MAP3K1: variants seen among roughly 807,000 people sequenced by gnomAD.
MAP3K1 encodes mitogen-activated protein kinase kinase kinase 1.
Under a neutral mutation model 144.2 loss-of-function variants are expected in MAP3K1, and 36 were observed. The observed-to-expected ratio is 0.25, with a 90% CI of 0.19 to 0.33. The LOEUF (loss-of-function observed/expected upper bound fraction) is 0.33. Ranked by LOEUF, MAP3K1 falls within the 10% of genes least tolerant of loss-of-function variation. MAP3K1 has a pLI of 1.00. For synonymous variants in MAP3K1, 718 were observed against 688.7 expected (o/e 1.04, Z -0.67); for missense variants, 1,650 against 1,881.9 (o/e 0.88, Z 2.28).
intron 10 of MAP3K1, 125 bp from the exon 11 acceptor site, chr5:56,878,850 CTTATT>C (rs1748116921): frequency 1.3e-6 from 1 of 773,658 alleles, no homozygotes; most frequent in Non-Finnish European, 2.2e-6. Flanking sequence ...GCATGGAATT[CTTATT>C]TTATTCTATG....
At chr5:56,881,481 A>G in intron 13 of MAP3K1, 89 bp from the exon 14 acceptor site, 1 of 1,117,018 alleles carries the variant, frequency 9.0e-7, no homozygotes, top group South Asian at 1.3e-5. Context: ...TTTGAAGTAT[A>G]CATGCTGTAA....
At chr5:56,822,760 CATGACTTCTGCGCAGTCA>C (rs571111837) in intron 1 of MAP3K1, among the ~76,000 whole-genome samples, 92 of 152,350 alleles carry the variant, frequency 6.0e-4, no homozygotes, top group Non-Finnish European at 8.8e-4. Flanking sequence ...CACCTGGCTA[CATGACTTCTGCGCAGTCA>C]GATGTCTAAA....
chr5:56,890,357 TAG>T, intron 19 of MAP3K1, among the ~76,000 whole-genome samples: 1 of 152,220 alleles, frequency 6.6e-6, no homozygotes. Context: ...CCTTCCTAGG[TAG>T]AGTTTAAAGA....
intron 12 of MAP3K1, 36 bp downstream of exon 12, chr5:56,880,838 T>G: frequency 2.0e-6 from 3 of 1,514,634 alleles, no homozygotes; most frequent in Non-Finnish European, 2.7e-6. Flanking sequence ...TATAGCATAT[T>G]TTATCATGTT....
intron 19 of MAP3K1, among the ~76,000 whole-genome samples, chr5:56,891,839 G>A (rs1314628537): frequency 2.0e-5 from 3 of 152,268 alleles, no homozygotes; most frequent in African/African-American, 7.2e-5. Context: ...AAGATCAGAT[G>A]GTTGTAGATG....
intron 1 of MAP3K1, among the ~76,000 whole-genome samples, chr5:56,837,884 G>T (rs1347591897): frequency 6.6e-6 from 1 of 152,170 alleles, no homozygotes; most frequent in African/African-American, 2.4e-5. Flanking sequence ...TTTAGGGGAC[G>T]TGGCCAGTGG....
chr5:56,817,020 C>A, intron 1 of MAP3K1: 1 of 981,982 alleles, frequency 1.0e-6, no homozygotes, highest in African/African-American at 1.7e-5. Context: ...TGCTCGGTGC[C>A]CTGGCGCGGG....
At chr5:56,843,481 T>G (rs1284471688) in intron 1 of MAP3K1, among the ~76,000 whole-genome samples, 1 of 152,218 alleles carries the variant, frequency 6.6e-6, no homozygotes, top group Non-Finnish European at 1.5e-5. Flanking sequence ...TTCTGGGACT[T>G]ACTTGTAACC....
chr5:56,836,857 G>A (rs1054436099), intron 1 of MAP3K1, among the ~76,000 whole-genome samples: 1 of 152,124 alleles, frequency 6.6e-6, no homozygotes, highest in Non-Finnish European at 1.5e-5. Flanking sequence ...ATCGATTCAA[G>A]TCTCAAGTCT....
intron 1 of MAP3K1, among the ~76,000 whole-genome samples, chr5:56,847,298 A>G (rs1747028355): frequency 6.6e-6 from 1 of 152,196 alleles, no homozygotes; most frequent in Non-Finnish European, 1.5e-5. Context: ...ATGTTAGTTT[A>G]AAAGTAAAAA....
intron 6 of MAP3K1, among the ~76,000 whole-genome samples, chr5:56,868,394 C>T (rs1747742887): frequency 6.6e-6 from 1 of 151,666 alleles, no homozygotes; most frequent in East Asian, 1.9e-4. Flanking sequence ...TCTTTCTTTT[C>T]TCTTTTTTTA....
intron 4 of MAP3K1, 39 bp downstream of exon 4, chr5:56,864,973 T>C: frequency 6.5e-7 from 1 of 1,535,884 alleles, no homozygotes; most frequent in Non-Finnish European, 9.0e-7. Context: ...TTAGTAGTAG[T>C]ATATGGTACT....
intron 1 of MAP3K1, among the ~76,000 whole-genome samples, chr5:56,822,599 A>C (rs1484495569): frequency 6.6e-6 from 1 of 152,160 alleles, no homozygotes; most frequent in Non-Finnish European, 1.5e-5. Flanking sequence ...TGATACTGGA[A>C]GATTCCCAGG....
chr5:56,868,339 A>G, intron 6 of MAP3K1, among the ~76,000 whole-genome samples: 1 of 152,104 alleles, frequency 6.6e-6, no homozygotes, highest in African/African-American at 2.4e-5. Flanking sequence ...AAAAATCTGA[A>G]ACGTCAAAAA....
chr5:56,843,339 G>T (rs1422333444), intron 1 of MAP3K1, among the ~76,000 whole-genome samples: 2 of 152,166 alleles, frequency 1.3e-5, no homozygotes, highest in African/African-American at 2.4e-5. Flanking sequence ...CCTCGGACCT[G>T]CTTCACCCAC....
At chr5:56,890,539 AT>A (rs1179724409) in intron 19 of MAP3K1, among the ~76,000 whole-genome samples, 6 of 152,118 alleles carry the variant, frequency 3.9e-5, no homozygotes, top group African/African-American at 1.4e-4. Flanking sequence ...AGAATTTTTA[AT>A]GCACTTATTC....
chr5:56,838,611 A>G (rs1055640977), intron 1 of MAP3K1, among the ~76,000 whole-genome samples: 1 of 152,186 alleles, frequency 6.6e-6, no homozygotes, highest in Non-Finnish European at 1.5e-5. Context: ...TGATTGCCTG[A>G]GTTAACATTT....
chr5:56,836,327 A>AG (rs58707929), intron 1 of MAP3K1, among the ~76,000 whole-genome samples: 127,605 of 152,088 alleles, frequency 0.84, 53,780 homozygotes, highest in South Asian at 0.93. Context: ...GTACCTGACT[A>AG]CAGCCAGTCA....
chr5:56,844,751 T>C (rs1746938663), intron 1 of MAP3K1, among the ~76,000 whole-genome samples: 1 of 152,204 alleles, frequency 6.6e-6, no homozygotes, highest in African/African-American at 2.4e-5. Flanking sequence ...CCCTGTTTTA[T>C]TTATCTTTCG....
Sources: gnomAD v4.1 joint callset for allele counts (sites outside exome capture counted in the v4.1 genomes callset) on GRCh38, gnomAD v4.1.1 for gene constraint, MANE v1.5 for transcripts, NCBI Gene and HGNC (gene_info 2026-07-23, HGNC 2026-07-21) for gene names.